KL: variants seen among roughly 807,000 people sequenced by gnomAD.
KL encodes klotho, also known as alpha-klotho.
KL carries 62 observed loss-of-function variants against 84.2 expected under a neutral mutation model. That is an observed-to-expected ratio of 0.74 (90% CI 0.60 to 0.91). KL has a LOEUF of 0.91. Among genes scored for constraint, KL ranks in the 40% least tolerant of loss-of-function variants. KL has a pLI of 0.00. For synonymous variants in KL, 528 were observed against 528.0 expected (o/e 1.00, Z 0.00); for missense variants, 1,261 against 1,305.7 (o/e 0.97, Z 0.53).
chr13:33,054,984 T>C, intron 2 of KL, 63 bp from the exon 3 acceptor site: 1 of 1,608,072 alleles, frequency 6.2e-7, no homozygotes, highest in East Asian at 2.2e-5. Context: ...CAGCTGCTCT[T>C]GAACCATGAT....
At chr13:33,038,177 C>T (rs1253119879) in intron 1 of KL, among the ~76,000 whole-genome samples, 1 of 152,198 alleles carries the variant, frequency 6.6e-6, no homozygotes, top group African/African-American at 2.4e-5. Flanking sequence ...CTGTCAAATC[C>T]AAATAACTTT....
At chr13:33,046,170 A>T (rs1718052137) in intron 1 of KL, among the ~76,000 whole-genome samples, 1 of 152,208 alleles carries the variant, frequency 6.6e-6, no homozygotes, top group Non-Finnish European at 1.5e-5. Flanking sequence ...TGGCTAAGTT[A>T]GAAAGTGTTC....
In KL at chr13:33,016,760, C is replaced by T. The variant is rs115511178; in HGVS notation, c.320C>T (p.Ala107Val). 1.2e-3 allele frequency: 1,918 copies of T among 1,611,810 alleles called. 20 individuals are homozygous for T. The African/African-American group carries it at 0.022, about 19-fold the overall frequency. The change falls in exon 1 of 5, where the codon GCC becomes GTC. Residue 107 changes from alanine to valine, a missense_variant. Transcript: ENST00000380099. Reference protein sequence around the residue: ...PLAPPGDSRNASLPLGAPSPL... With the variant: ...PLAPPGDSRNVSLPLGAPSPL... ...GCACCCCCGGGAGACTCCCGGAACG[C>T]CAGTCTGCCGTTGGGCGCCCCGTCG... is the stretch of plus-strand genomic sequence containing the variant.
At chr13:33,025,368 G>T (rs540485621) in intron 1 of KL, among the ~76,000 whole-genome samples, 1 of 152,304 alleles carries the variant, frequency 6.6e-6, no homozygotes, top group East Asian at 1.9e-4. Flanking sequence ...ATGCAGCCAT[G>T]GGCAATGTGT....
At chr13:33,052,254 C>T (rs1871783080) in intron 1 of KL, among the ~76,000 whole-genome samples, 1 of 152,158 alleles carries the variant, frequency 6.6e-6, no homozygotes, top group Admixed American at 6.6e-5. Flanking sequence ...AGGCATGAGC[C>T]ATCATGCCCA....
At position 33,029,885 on chromosome 13, in the gene KL, G is replaced by A. The variant is rs542387093; in HGVS notation, c.819+12626G>A. Among the ~76,000 whole-genome samples, 16 of 151,608 alleles carry A rather than the reference G, an allele frequency of 1.1e-4. No homozygotes were observed. The South Asian group carries it at 1.5e-3, about 14-fold the overall frequency. On this transcript the variant is annotated intron_variant, in intron 1 of 4. Coordinates refer to ENST00000380099, the MANE Select transcript of KL (RefSeq NM_004795.4). ...CCTGACCTTGTGATCCACTCACCTC[G>A]GCCTCCCAAAGTGCTGGGATTACAG...
In KL at chr13:33,063,908, A is replaced by G. The variant is rs1330884473; in HGVS notation, c.2761A>G (p.Thr921Ala). ...GYFAYSFNDR[T>A]APRFGLYRYA... ...CTTTGCTTATTCGTTTAACGACCGC[A>G]CAGCTCCGAGGTTTGGCCTCTATCG... The change falls in exon 5 of 5, where the codon ACA (threonine) becomes GCA (alanine). Residue 921 changes from threonine (T) to alanine (A), a missense_variant. Transcript: ENST00000380099. The G allele has an allele frequency of 9.9e-6, 16 of 1,614,092 alleles. No homozygotes were observed. In the African/African-American group the frequency reaches 1.9e-4, roughly 19 times the overall value.
At chr13:33,039,196 T>C (rs1322945694) in intron 1 of KL, among the ~76,000 whole-genome samples, 1 of 152,236 alleles carries the variant, frequency 6.6e-6, no homozygotes, top group African/African-American at 2.4e-5. Flanking sequence ...GCTCATAAAA[T>C]TAATAAATTA....
At chr13:33,021,633 A>C (rs1429920190) in intron 1 of KL, among the ~76,000 whole-genome samples, 1 of 152,224 alleles carries the variant, frequency 6.6e-6, no homozygotes, top group East Asian at 1.9e-4. Flanking sequence ...CTGTAATCCC[A>C]GCACTTTGGG....
chr13:33,061,308 A>C lies in KL; in HGVS notation c.2229A>C (p.Gln743His). The stretch of plus-strand genomic sequence containing the variant: ...TAGAACCTGCCTGCCCTTTCTCCCA[A>C]AAGGACAAAGAGGTGGCTGAGAGAG... ...DWIEPACPFS[Q>H]KDKEVAERVL... The change falls in exon 4 of 5, where the codon CAA becomes CAC. Residue 743 changes from glutamine (Q) to histidine (H), a missense_variant. Physicochemically the swap from Gln to His is conservative, Grantham distance 24 (BLOSUM62 0). Coordinates refer to ENST00000380099, the MANE Select transcript of KL (RefSeq NM_004795.4). 2 of 1,614,198 alleles carry C rather than the reference A, an allele frequency of 1.2e-6. No homozygotes were observed. Among genetic ancestry groups the C allele is most frequent in the Non-Finnish European group, 1.7e-6 (2 of 1,180,020 alleles).
At chr13:33,026,743 C>T (rs1461344093) in intron 1 of KL, among the ~76,000 whole-genome samples, 1 of 152,192 alleles carries the variant, frequency 6.6e-6, no homozygotes, top group Non-Finnish European at 1.5e-5. Flanking sequence ...GAGAGCGGTG[C>T]CCCCACTGAA....
intron 1 of KL, among the ~76,000 whole-genome samples, chr13:33,037,838 A>G (rs1593797138): frequency 6.6e-6 from 1 of 152,188 alleles, no homozygotes; most frequent in East Asian, 1.9e-4. Flanking sequence ...TAGATTAACC[A>G]GATGAGACCA....
intron 4 of KL, 57 bp from the exon 5 acceptor site, chr13:33,063,791 GT>G (rs1872300678): frequency 8.0e-7 from 1 of 1,244,824 alleles, no homozygotes; most frequent in Non-Finnish European, 1.1e-6. Flanking sequence ...AAAAAAAAAA[GT>G]GATGTGTTGT....
chr13:33,029,061 G>T (rs935981150), intron 1 of KL, among the ~76,000 whole-genome samples: 10 of 152,134 alleles, frequency 6.6e-5, no homozygotes, highest in African/African-American at 2.4e-4. Flanking sequence ...CTTGTAAGTT[G>T]TTCTGACATT....
chr13:33,041,289 G>A (rs1451284309), intron 1 of KL, among the ~76,000 whole-genome samples: 1 of 151,916 alleles, frequency 6.6e-6, no homozygotes, highest in African/African-American at 2.4e-5. Context: ...AGACCACACT[G>A]TTCATACATT....
intron 1 of KL, among the ~76,000 whole-genome samples, chr13:33,035,915 T>A (rs573614992): frequency 3.9e-5 from 6 of 152,230 alleles, no homozygotes; most frequent in Non-Finnish European, 8.8e-5. Flanking sequence ...ATTTACCCAG[T>A]GTAAGTTATG....
At chr13:33,043,567 C>T (rs1006521310) in intron 1 of KL, among the ~76,000 whole-genome samples, 1 of 151,894 alleles carries the variant, frequency 6.6e-6, no homozygotes, top group Admixed American at 6.6e-5. Context: ...TGTGAGTGCT[C>T]GTTGGGGTTT....
chr13:33,039,013 T>C (rs1233626309), intron 1 of KL, among the ~76,000 whole-genome samples: 1 of 152,218 alleles, frequency 6.6e-6, no homozygotes, highest in Non-Finnish European at 1.5e-5. Context: ...TCCTACTCAA[T>C]AGAGACTATA....
chr13:33,026,780 G>A (rs1870794543), intron 1 of KL, among the ~76,000 whole-genome samples: 1 of 152,194 alleles, frequency 6.6e-6, no homozygotes, highest in South Asian at 2.1e-4. Flanking sequence ...GCACCCCCAT[G>A]AGCATATTCC....
Sources: allele counts gnomAD v4.1 joint callset (sites outside exome capture counted in the v4.1 genomes callset), GRCh38; gene constraint gnomAD v4.1.1; transcripts MANE v1.5; gene names NCBI Gene and HGNC (gene_info 2026-07-23, HGNC 2026-07-21).